The following TRMT6 variants were observed in gnomAD, a reference collection of about 807,000 sequenced individuals.
TRMT6 encodes tRNA methyltransferase 6 non-catalytic subunit.
Under a neutral mutation model 59.0 loss-of-function variants are expected in TRMT6, and 34 were observed. That is an observed-to-expected ratio of 0.58 (90% CI 0.44 to 0.77). The LOEUF (loss-of-function observed/expected upper bound fraction) is 0.77, where lower values mean the gene tolerates loss of function less well. Ranked by LOEUF, TRMT6 falls within the 30% of genes least tolerant of loss-of-function variation. The pLI is 0.00. For synonymous variants in TRMT6, 217 were observed against 210.5 expected (o/e 1.03, Z -0.27); for missense variants, 575 against 604.5 (o/e 0.95, Z 0.51).
chr20:5,942,231 C>A lies in TRMT6; in HGVS notation c.1027-195G>T, dbSNP rs1183305484. 6 of 718,812 alleles carry A rather than the reference C, an allele frequency of 8.3e-6. No homozygotes were observed. In the African/African-American group the frequency reaches 8.8e-5, roughly 11 times the overall value. 44.5% of individuals were successfully genotyped at this position (718,812 alleles called of 1,614,324 possible). ...AAAAACCATGATTAAGCTATCTATG[C>A]AACGCTTCTGTATCCTAAAGCTCCA... On this transcript the variant is annotated intron_variant, in intron 7 of 10. Coordinates refer to ENST00000203001, the MANE Select transcript of TRMT6 (RefSeq NM_015939.5).
At position 5,938,357 on chromosome 20, in the gene TRMT6, G is replaced by A. The variant is rs2088625155; in HGVS notation, c.*178C>T. The A allele has an allele frequency of 4.6e-6, 3 of 645,222 alleles. No homozygotes were observed. Among genetic ancestry groups the A allele is most frequent in the East Asian group, 2.7e-5 (1 of 36,616 alleles). 40.0% of individuals were successfully genotyped at this position (645,222 alleles called of 1,614,324 possible). A position where few individuals can be genotyped will look rare whatever the true frequency, so the allele number is the denominator to read the frequency against. Reference sequence around the variant, plus strand: ...ATACCCCATGGTTGCAGTTTTGACAGACCAAATGCATCTGTGTCAGAAATA... The same window carrying A: ...ATACCCCATGGTTGCAGTTTTGACAAACCAAATGCATCTGTGTCAGAAATA... On this transcript the variant is annotated 3_prime_UTR_variant, in exon 11 of 11. Coordinates refer to ENST00000203001, the MANE Select transcript of TRMT6 (RefSeq NM_015939.5).
intron 1 of TRMT6, 96 bp from the exon 2 acceptor site, chr20:5,946,629 A>G (rs1314350663): frequency 1.8e-6 from 2 of 1,136,724 alleles, no homozygotes; most frequent in Non-Finnish European, 2.5e-6. Flanking sequence ...GGTCTCCACA[A>G]TGGATGATCA....
Position 5,938,354 on chromosome 20 carries a change from A to G in TRMT6, c.*181T>C. The G allele has an allele frequency of 4.8e-6, 3 of 622,040 alleles. No individual in the cohort carries two copies. The highest frequency in any genetic ancestry group is 5.4e-5 in the South Asian group (2 of 37,354). 38.5% of individuals were successfully genotyped at this position (622,040 alleles called of 1,614,324 possible). A position where few individuals can be genotyped will look rare whatever the true frequency, so the allele number is the denominator to read the frequency against. On this transcript the variant is annotated 3_prime_UTR_variant, in exon 11 of 11. Transcript: ENST00000203001. ...TACATACCCCATGGTTGCAGTTTTGACAGACCAAATGCATCTGTGTCAGAA... is the reference window on the plus strand; with the variant it reads ...TACATACCCCATGGTTGCAGTTTTGGCAGACCAAATGCATCTGTGTCAGAA...
At position 5,944,779 on chromosome 20, in the gene TRMT6, A is replaced by G. The variant is rs12625477; in HGVS notation, c.366+26T>C. On this transcript the variant is annotated intron_variant, in intron 3 of 10. Coordinates refer to ENST00000203001, the MANE Select transcript of TRMT6 (RefSeq NM_015939.5). ...TCCTAAATGCCAAACAGACAAAAAC[A>G]AAACTAAAAATCCTTTGAATATTAC... 7.2e-4 allele frequency: 1,148 copies of G among 1,585,626 alleles called. 17 individuals are homozygous for G. The East Asian group carries it at 0.022, about 31-fold the overall frequency.
Position 5,950,280 on chromosome 20 carries a change from T to C in TRMT6, c.126A>G (p.Arg42=). The change falls in exon 1 of 11, where the codon AGA becomes AGG. Residue 42 remains arginine, a splice_region_variant and synonymous_variant. Transcript: ENST00000203001. The part of the protein sequence containing the change: ...DVFKAVQVQR[R]KKVTFEKQWF... ...CTAAAATCAGCGATCTGACTTACTT[T>C]CTCCGCTGGACTTGTACTGCTTTAA... 6.2e-7 allele frequency: 1 copy of C among 1,604,448 alleles called. No individual in the cohort carries two copies.
intron 10 of TRMT6, 78 bp downstream of exon 10, chr20:5,940,975 T>C (rs914331399): frequency 8.8e-6 from 10 of 1,133,822 alleles, no homozygotes; most frequent in Non-Finnish European, 1.2e-5. Context: ...TAACTCTATT[T>C]AATGACTTCT....
In TRMT6 at chr20:5,950,304, A is replaced by G. The variant is rs1419353119; in HGVS notation, c.102T>C (p.Phe34=). 2 of 1,613,776 alleles carry G rather than the reference A, an allele frequency of 1.2e-6. No individual in the cohort carries two copies. Among genetic ancestry groups the G allele is most frequent in the East Asian group, 4.5e-5 (2 of 44,832 alleles). The change falls in exon 1 of 11, where the codon TTT becomes TTC. Residue 34 remains phenylalanine (F), a synonymous_variant. Transcript: ENST00000203001. ...TTCTCCGCTGGACTTGTACTGCTTT[A>G]AACACATCTTCACGTTTCAGCACCA... The part of the protein sequence containing the change: ...DFVVLKREDV[F]KAVQVQRRKK...
In TRMT6 at chr20:5,941,947, G is replaced by A. The variant is rs764095597; in HGVS notation, c.1112+4C>T. 44 of 1,611,978 alleles carry A rather than the reference G, an allele frequency of 2.7e-5. No individual in the cohort carries two copies. The highest frequency in any genetic ancestry group is 1.6e-4 in the Middle Eastern group (1 of 6,082). On this transcript the variant is annotated splice_donor_region_variant and intron_variant, in intron 8 of 10. Transcript: ENST00000203001. ...GAGTCTCCTGCCTTCTTCCATCAAC[G>A]CACCCATCTGCGTTTCTTTCACTCA...
chr20:5,940,679 T>A (rs1357767916), intron 10 of TRMT6, among the ~76,000 whole-genome samples: 1 of 152,152 alleles, frequency 6.6e-6, no homozygotes, highest in African/African-American at 2.4e-5. Context: ...AGTGCAGTGG[T>A]GGGATCTCGG....
At chr20:5,938,842 G>GA (rs2088631149) in intron 10 of TRMT6, 116 bp from the exon 11 acceptor site, 5 of 919,904 alleles carry the variant, frequency 5.4e-6, no homozygotes, top group Non-Finnish European at 7.8e-6. Context: ...GATTTAAATG[G>GA]ACATTTTTTT....
At position 5,944,796 on chromosome 20, in the gene TRMT6, GAAT is replaced by G. The variant is rs779354721; in HGVS notation, c.366+6_366+8del. On this transcript the variant is annotated splice_donor_region_variant and intron_variant, in intron 3 of 10. Transcript: ENST00000203001. ...ACAAAAACAAAACTAAAAATCCTTT[GAAT>G]ATTACCTCTCCTTTAATGCCCTTGT... 2 of 1,601,114 alleles carry G rather than the reference GAAT, an allele frequency of 1.2e-6. No homozygotes were observed. Among genetic ancestry groups the G allele is most frequent in the Non-Finnish European group, 1.7e-6 (2 of 1,169,876 alleles).
At chr20:5,944,129 T>C (rs1382227898) in intron 4 of TRMT6, 33 bp downstream of exon 4, 7 of 1,366,846 alleles carry the variant, frequency 5.1e-6, no homozygotes, top group Middle Eastern at 2.4e-4. Context: ...AGAAGTTTAA[T>C]ATTGTGGGCC....
rs373880875 is a variant in TRMT6, at chr20:5,938,664, G to C, written c.1365C>G (p.Ser455=). ...GGTTGTCCATGGCAACGGTGAAGCC[G>C]GAGAGAAGATAACCCCCACCTCCAC... The part of the protein sequence containing the change: ...LMSGGGGYLL[S]GFTVAMDNLK... The change falls in exon 11 of 11, where the codon TCC becomes TCG. Residue 455 remains serine (S), a synonymous_variant. Coordinates refer to ENST00000203001, the MANE Select transcript of TRMT6 (RefSeq NM_015939.5). 10 of 1,614,128 alleles carry C rather than the reference G, an allele frequency of 6.2e-6. No individual in the cohort carries two copies. The East Asian group carries it at 2.0e-4, about 32-fold the overall frequency.
At chr20:5,941,409 A>G in intron 8 of TRMT6, 64 bp from the exon 9 acceptor site, 2 of 1,168,696 alleles carry the variant, frequency 1.7e-6, no homozygotes, top group Non-Finnish European at 2.5e-6. Context: ...AGGTTTTAAA[A>G]TGCATTTAAA....
At position 5,950,410 on chromosome 20, in the gene TRMT6, C is replaced by T; in HGVS notation, c.-5G>A. ...CTGCTCCCCTGAGCCCTCCATGACG[C>T]TCAGCCGGTCGCCGTGCTCCACGGC... On this transcript the variant is annotated 5_prime_UTR_variant, in exon 1 of 11. Coordinates refer to ENST00000203001, the MANE Select transcript of TRMT6 (RefSeq NM_015939.5). 6.3e-7 allele frequency: 1 copy of T among 1,580,204 alleles called. No homozygotes were observed. The highest frequency in any genetic ancestry group is 8.6e-7 in the Non-Finnish European group (1 of 1,166,926).
At chr20:5,940,028 G>A (rs2088642538) in intron 10 of TRMT6, among the ~76,000 whole-genome samples, 1 of 152,210 alleles carries the variant, frequency 6.6e-6, no homozygotes, top group Non-Finnish European at 1.5e-5. Flanking sequence ...GTCAGTAACT[G>A]AGCATGGGTA....
intron 8 of TRMT6, 115 bp from the exon 9 acceptor site, chr20:5,941,460 G>T: frequency 1.3e-6 from 1 of 743,002 alleles, no homozygotes; most frequent in Non-Finnish European, 2.2e-6. Flanking sequence ...AAAGAGAAGA[G>T]ATTTAAATAT....
intron 7 of TRMT6, 169 bp downstream of exon 7, chr20:5,942,259 C>T (rs2088662836): frequency 1.3e-6 from 1 of 759,990 alleles, no homozygotes; most frequent in Non-Finnish European, 2.2e-6. Flanking sequence ...AAGCTCCATC[C>T]CGAAGACCGA....
chr20:5,942,294 C>A, intron 7 of TRMT6, 134 bp downstream of exon 7: 2 of 863,906 alleles, frequency 2.3e-6, no homozygotes, highest in South Asian at 2.9e-5. Flanking sequence ...TACATGTACA[C>A]ACACTCGTTC....
Sources: allele counts gnomAD v4.1 joint callset (sites outside exome capture counted in the v4.1 genomes callset), GRCh38; gene constraint gnomAD v4.1.1; transcripts MANE v1.5; gene names NCBI Gene and HGNC (gene_info 2026-07-23, HGNC 2026-07-21).